SMC1B: variants seen among roughly 807,000 people sequenced by gnomAD.
SMC1B encodes structural maintenance of chromosomes 1B, also known as structural maintenance of chromosomes protein 1B.
In SMC1B, 60 loss-of-function variants were observed where a neutral mutation model predicts 157.9. That is an observed-to-expected ratio of 0.38 (90% confidence interval 0.31 to 0.47). The LOEUF (loss-of-function observed/expected upper bound fraction) is 0.47. SMC1B is among the 20% of genes least tolerant of loss of function. The pLI, the probability that SMC1B is intolerant of heterozygous loss-of-function variation, is 0.99. For synonymous variants in SMC1B, 445 were observed against 483.0 expected, an observed-to-expected ratio of 0.92 and a Z score of 1.03; for missense variants, 1,165 against 1,426.2, an observed-to-expected ratio of 0.82 and a Z score of 2.95.
At chr22:45,352,416 C>G (rs370581744) in intron 22 of SMC1B, 35 bp downstream of exon 22, 181 of 1,589,906 alleles carry the variant, frequency 1.1e-4, no homozygotes, top group Non-Finnish European at 1.5e-4. Flanking sequence ...GGCTTCTGCC[C>G]TGATATGAAA....
chr22:45,389,982 C>A, intron 9 of SMC1B, 85 bp from the exon 10 acceptor site: 2 of 1,164,770 alleles, frequency 1.7e-6, no homozygotes, highest in Non-Finnish European at 2.4e-6. Context: ...AACAAAGTAG[C>A]GCAGACAAAA....
rs755469320 is a variant in SMC1B, at chr22:45,355,043, T to A, written c.3034A>T (p.Ile1012Phe). Residue 1012 changes from isoleucine to phenylalanine, a missense_variant, in exon 20 of 25, where the codon ATC becomes TTC. By Grantham distance (21) the Ile-to-Phe change is conservative. Coordinates refer to ENST00000357450, the MANE Select transcript of SMC1B (RefSeq NM_148674.5). ...TTTGGGGCTGCTGTTTTCAGTAAGA[T>A]ATCTTCCTGGGATGCTACTTGCTGC... ...LLQQVASQED[I>F]LLKTAAPNLR... The A allele has an allele frequency of 3.1e-6, 5 of 1,614,230 alleles. No homozygotes were observed. In the South Asian group the frequency reaches 5.5e-5, roughly 18 times the overall value.
chr22:45,394,186 G>A (rs962344107), intron 8 of SMC1B, among the ~76,000 whole-genome samples: 2 of 151,972 alleles, frequency 1.3e-5, no homozygotes, highest in Non-Finnish European at 2.9e-5. Context: ...TTAGCCAGGT[G>A]TGGTGGCACA....
chr22:45,405,287 G>A (rs573844757), intron 4 of SMC1B, among the ~76,000 whole-genome samples: 3 of 152,226 alleles, frequency 2.0e-5, no homozygotes, highest in South Asian at 2.1e-4. Flanking sequence ...TTGGCCAGGC[G>A]CGGTGGCTCA....
In SMC1B at chr22:45,388,986, CAAA is replaced by C. The variant is rs371475132; in HGVS notation, c.1731+723_1731+725del. On this transcript the variant is annotated intron_variant, in intron 10 of 24. Coordinates refer to ENST00000357450, the MANE Select transcript of SMC1B (RefSeq NM_148674.5). ...TGGGCGAAAGAGCAAGACTCTGCCT[CAAA>C]AAAAAAAAAAAAAAAGAAAAAGAAA... Among the ~76,000 whole-genome samples, 4 of 54,478 alleles carry C rather than the reference CAAA, an allele frequency of 7.3e-5. No individual in the cohort carries two copies. The Admixed American group carries it at 8.0e-4, about 11-fold the overall frequency. The allele number at this position is 54,478 out of a possible 152,430, so 35.7% of individuals were successfully genotyped here.
Position 45,406,797 on chromosome 22 carries a change from T to C in SMC1B, c.367A>G (p.Lys123Glu), listed in dbSNP as rs1227331151. 1 of 1,599,058 alleles carries C rather than the reference T, an allele frequency of 6.3e-7. No homozygotes were observed. Among genetic ancestry groups the C allele is most frequent in the East Asian group, 2.2e-5 (1 of 44,770 alleles). The change falls in exon 3 of 25, where the codon AAG becomes GAG. Residue 123 changes from lysine to glutamate, a missense_variant. Transcript: ENST00000357450. ...TGTGCTTTGACTATTATGCCTATCT[T>C]TTCCAACTCTGCAATGTAAACAGAA... Reference protein sequence around the residue: ...SRSVYIAELEKIGIIVKAQNC... With the variant: ...SRSVYIAELEEIGIIVKAQNC...
intron 12 of SMC1B, among the ~76,000 whole-genome samples, chr22:45,380,796 C>T (rs2086928740): frequency 6.6e-6 from 1 of 152,016 alleles, no homozygotes; most frequent in Non-Finnish European, 1.5e-5. Flanking sequence ...CCTGGTGGTA[C>T]ACCCCTGTAG....
Position 45,396,326 on chromosome 22 carries a change from TA to T in SMC1B, c.1254+19del. On this transcript the variant is annotated intron_variant, in intron 7 of 24. Coordinates refer to ENST00000357450, the MANE Select transcript of SMC1B (RefSeq NM_148674.5). ...TTCATTAAGAATGATTCTAAATCAT[TA>T]CTGTACAACCCAAGACACCTGAACT... 6.3e-7 allele frequency: 1 copy of T among 1,587,048 alleles called. No individual in the cohort carries two copies. Among genetic ancestry groups the T allele is most frequent in the East Asian group, 2.3e-5 (1 of 43,798 alleles).
rs745771527 is a variant in SMC1B, at chr22:45,361,840, T to C, written c.2707A>G (p.Arg903Gly). 1 of 1,613,712 alleles carries C rather than the reference T, an allele frequency of 6.2e-7. No individual in the cohort carries two copies. The highest frequency in any genetic ancestry group is 1.1e-5 in the South Asian group (1 of 90,940). Reference protein sequence around the residue: ...EERKKFLAVDREVGKLQKEVV... With the variant: ...EERKKFLAVDGEVGKLQKEVV... ...TCAAACTGATGAAGTCTTAATTACC[T>C]ATCAACAGCCAGAAACTTCTTCCGT... is the stretch of plus-strand genomic sequence containing the variant. Residue 903 changes from arginine (R) to glycine (G), a missense_variant and splice_region_variant, in exon 17 of 25, where the codon AGG becomes GGG. Arg to Gly is a moderately radical substitution (Grantham distance 125). Coordinates refer to ENST00000357450, the MANE Select transcript of SMC1B (RefSeq NM_148674.5).
Position 45,362,888 on chromosome 22 carries a change from C to T in SMC1B, c.2559G>A (p.Lys853=), listed in dbSNP as rs2086735532. The change falls in exon 16 of 25, where the codon AAG becomes AAA. Residue 853 remains lysine, a synonymous_variant. Transcript: ENST00000357450. ...QKGSEDIDHL[K]KAEENCLQTV... Reference sequence around the variant, plus strand: ...TCAGCTACCCATTATTAATTACCTTCTTTAGGTGATCAATATCTTCACTAC... The same window carrying T: ...TCAGCTACCCATTATTAATTACCTTTTTTAGGTGATCAATATCTTCACTAC... 5.7e-6 allele frequency: 9 copies of T among 1,589,960 alleles called. No individual in the cohort carries two copies.
rs375632962 is a variant in SMC1B at position 45,353,983 on chromosome 22, C to T, written c.3268G>A (p.Ala1090Thr). ...IYKKLCRNNS[A>T]QAFLSPENPE... ...TGAGGATGAAAGATACATACTTGGGCGCTGTTGTTTCTGCAGAGCTTCTTG... is the reference window on the plus strand; with the variant it reads ...TGAGGATGAAAGATACATACTTGGGTGCTGTTGTTTCTGCAGAGCTTCTTG... The change falls in exon 21 of 25, where the codon GCC becomes ACC. Residue 1090 changes from alanine to threonine, a missense_variant. Physicochemically the swap from Ala to Thr is moderately conservative, Grantham distance 58. Transcript: ENST00000357450. The T allele has an allele frequency of 1.9e-5, 28 of 1,502,734 alleles. No individual in the cohort carries two copies. The East Asian group carries it at 2.4e-4, about 13-fold the overall frequency. 93.1% of individuals were successfully genotyped at this position (1,502,734 alleles called of 1,614,324 possible).
chr22:45,345,345 C>A, intron 24 of SMC1B, 114 bp downstream of exon 24: 1 of 566,164 alleles, frequency 1.8e-6, no homozygotes, highest in Non-Finnish European at 3.2e-6. Flanking sequence ...ATTAAAAAGT[C>A]ATTTCAGCAT....
intron 23 of SMC1B, among the ~76,000 whole-genome samples, chr22:45,349,418 C>A (rs1410663785): frequency 2.0e-5 from 3 of 149,084 alleles, no homozygotes; most frequent in East Asian, 2.0e-4. Flanking sequence ...CTCACTGCAA[C>A]CTTCACCTCC....
intron 2 of SMC1B, among the ~76,000 whole-genome samples, chr22:45,407,575 C>T (rs1402906939): frequency 1.3e-5 from 2 of 152,064 alleles, no homozygotes; most frequent in East Asian, 3.9e-4. Flanking sequence ...CATCTTCCCA[C>T]CTCAGCCTCC....
chr22:45,356,953 G>A (rs939869698), intron 19 of SMC1B, among the ~76,000 whole-genome samples: 4 of 151,938 alleles, frequency 2.6e-5, no homozygotes, highest in Non-Finnish European at 5.9e-5. Context: ...GGCTGGTCTC[G>A]AACTCCTGAC....
intron 12 of SMC1B, among the ~76,000 whole-genome samples, chr22:45,376,077 G>A (rs1002539569): frequency 6.6e-6 from 1 of 152,002 alleles, no homozygotes; most frequent in South Asian, 2.1e-4. Flanking sequence ...TTTTTATTTG[G>A]CTAGTCAAGC....
intron 6 of SMC1B, among the ~76,000 whole-genome samples, chr22:45,398,102 T>C (rs908568513): frequency 2.0e-5 from 3 of 152,154 alleles, no homozygotes; most frequent in Admixed American, 1.3e-4. Context: ...GCTGTTAACA[T>C]GCCTTCGGAC....
At chr22:45,381,161 A>C (rs1482683198) in intron 12 of SMC1B, among the ~76,000 whole-genome samples, 1 of 152,166 alleles carries the variant, frequency 6.6e-6, no homozygotes. Flanking sequence ...GAAGGATGAC[A>C]CTATACTAAA....
chr22:45,372,717 T>TTTTTTC (rs1179084244), intron 12 of SMC1B, among the ~76,000 whole-genome samples: 1 of 29,168 alleles, frequency 3.4e-5, no homozygotes, highest in African/African-American at 9.1e-4. Context: ...ACTCCAGGTC[T>TTTTTTC]TTTTTTTTTT....
Sources: gnomAD v4.1 joint callset for allele counts (sites outside exome capture counted in the v4.1 genomes callset) on GRCh38, gnomAD v4.1.1 for gene constraint, MANE v1.5 for transcripts, NCBI Gene and HGNC (gene_info 2026-07-23, HGNC 2026-07-21) for gene names.